Variants in NOTCH2 observed in about 807,000 individuals in gnomAD.
NOTCH2 encodes neurogenic locus notch homolog protein 2.
A neutral mutation model predicts 235.8 loss-of-function variants in NOTCH2; 29 were observed. The ratio of observed to expected loss-of-function variants is 0.12; its 90% CI spans 0.09 to 0.17. The LOEUF (loss-of-function observed/expected upper bound fraction) is 0.17. Among genes scored for constraint, NOTCH2 ranks in the 10% least tolerant of loss-of-function variants. The pLI, the probability that NOTCH2 is intolerant of heterozygous loss-of-function variation, is 1.00. For missense variants in NOTCH2, 2,285 were observed against 3,150.2 expected (o/e 0.73, Z 6.57); for synonymous variants, 1,086 against 1,141.5 (o/e 0.95, Z 0.98).
intron 1 of NOTCH2, among the ~76,000 whole-genome samples, chr1:120,063,936 T>C (rs1553216634): frequency 6.6e-6 from 1 of 152,180 alleles, no homozygotes; most frequent in African/African-American, 2.4e-5. Flanking sequence ...ATGAAACAAG[T>C]AGGGCTAAGA....
chr1:119,968,063 T>C lies in NOTCH2; in HGVS notation c.1264+14A>G, dbSNP rs782062375. The stretch of plus-strand genomic sequence containing the variant: ...CAGACACTTCACAGAACAGAAAAAG[T>C]TCTGCTTACTCACCCATGGCACATT... On this transcript the variant is annotated intron_variant, in intron 7 of 33. Coordinates refer to ENST00000256646, the MANE Select transcript of NOTCH2 (RefSeq NM_024408.4). The C allele has an allele frequency of 6.2e-7, 1 of 1,613,990 alleles. No individual in the cohort carries two copies. The highest frequency in any genetic ancestry group is 8.5e-7 in the Non-Finnish European group (1 of 1,179,890).
Position 119,927,525 on chromosome 1 carries a change from A to AT in NOTCH2, c.3893-915dup, listed in dbSNP as rs60090468. On this transcript the variant is annotated intron_variant, in intron 23 of 33. Transcript: ENST00000256646. ...TAACTGTGCTCAATGTATTCAAGGG[A>AT]TTTTTTTTTTTTCATTCACAAATGT... 7.4e-4 allele frequency among the ~76,000 whole-genome samples: 110 copies of AT among 148,112 alleles called. 1 individual carries two copies. Among genetic ancestry groups the AT allele is most frequent in the Admixed American group, 2.2e-3 (32 of 14,856 alleles).
At chr1:120,028,895 T>G (rs1653978579) in intron 2 of NOTCH2, among the ~76,000 whole-genome samples, 1 of 151,750 alleles carries the variant, frequency 6.6e-6, no homozygotes, top group Non-Finnish European at 1.5e-5. Flanking sequence ...AATTTTCAAT[T>G]GAGGCAGAAG....
At chr1:119,964,063 G>C (rs1208099280) in intron 10 of NOTCH2, among the ~76,000 whole-genome samples, 3 of 152,186 alleles carry the variant, frequency 2.0e-5, no homozygotes, top group African/African-American at 7.2e-5. Context: ...TCATTGCAGA[G>C]ATGCTTTAAC....
intron 5 of NOTCH2, among the ~76,000 whole-genome samples, chr1:119,978,675 A>T (rs1553201273): frequency 6.6e-6 from 1 of 152,164 alleles, no homozygotes; most frequent in East Asian, 1.9e-4. Context: ...CACAGAGAAG[A>T]AAGTGGTGCC....
At chr1:119,976,608 A>G (rs1553200975) in intron 5 of NOTCH2, among the ~76,000 whole-genome samples, 1 of 152,044 alleles carries the variant, frequency 6.6e-6, no homozygotes, top group East Asian at 1.9e-4. Flanking sequence ...TATTTTCTAA[A>G]GAGCCGCCAG....
intron 15 of NOTCH2, chr1:119,950,080 G>A (rs955046029): frequency 2.3e-5 from 5 of 212,876 alleles, no homozygotes; most frequent in South Asian, 7.5e-5. Context: ...TCACACTCAC[G>A]TCTTCTCAGT....
intron 22 of NOTCH2, among the ~76,000 whole-genome samples, chr1:119,932,431 TAC>T (rs1553195261): frequency 5.9e-5 from 9 of 151,940 alleles, no homozygotes; most frequent in African/African-American, 2.2e-4. Context: ...CTATTAAAAA[TAC>T]AAAATCAGCC....
rs1195992130 is a variant in NOTCH2, at chr1:120,009,796, T to A, written c.156-4208A>T. On this transcript the variant is annotated intron_variant, in intron 2 of 33. Coordinates refer to ENST00000256646, the MANE Select transcript of NOTCH2 (RefSeq NM_024408.4). Reference sequence around the variant, plus strand: ...AACTCAAAACCCAGTGAAGTCTTAGTCTGGATTGCTGATTTCTCCTTCTTC... The same window carrying A: ...AACTCAAAACCCAGTGAAGTCTTAGACTGGATTGCTGATTTCTCCTTCTTC... Among the ~76,000 whole-genome samples the A allele has an allele frequency of 3.3e-5, 5 of 150,062 alleles. No homozygotes were observed. In the East Asian group the frequency reaches 9.7e-4, roughly 29 times the overall value.
rs781948161 is a variant in NOTCH2, at chr1:119,963,689, C to T, written c.1800G>A (p.Met600Ile). 4 of 1,614,018 alleles carry T rather than the reference C, an allele frequency of 2.5e-6. No homozygotes were observed. The highest frequency in any genetic ancestry group is 1.3e-5 in the African/African-American group (1 of 74,900). Reference protein sequence around the residue: ...SYTCICNPGYMGAICSDQIDE... With the variant: ...SYTCICNPGYIGAICSDQIDE... ...CAATCTGGTCACTGCAGATGGCGCC[C>T]ATGTACCCGGGATTGCAGATGCAGG... The change falls in exon 11 of 34, where the codon ATG becomes ATA. Residue 600 changes from methionine (M) to isoleucine (I), a missense_variant. Physicochemically the swap from Met to Ile is conservative, Grantham distance 10. Transcript: ENST00000256646.
At chr1:119,925,005 G>A (rs989270389) in intron 25 of NOTCH2, among the ~76,000 whole-genome samples, 1 of 152,234 alleles carries the variant, frequency 6.6e-6, no homozygotes, top group Non-Finnish European at 1.5e-5. Context: ...GGCAGGTTAT[G>A]TGAGAGGCTG....
Position 119,922,397 on chromosome 1 carries a change from A to C in NOTCH2, c.5052T>G (p.Val1684=). ...ERTQLLYLLA[V]AVVIILFIIL... ...TAATAAACAGAATGATGACAACAGCAACAGCAAGGAGATAGAGGAGCTGAG... is the reference window on the plus strand; with the variant it reads ...TAATAAACAGAATGATGACAACAGCCACAGCAAGGAGATAGAGGAGCTGAG... Residue 1684 remains valine (V), a synonymous_variant, in exon 28 of 34, where the codon GTT becomes GTG. Transcript: ENST00000256646. The C allele has an allele frequency of 6.2e-7, 1 of 1,614,126 alleles. No homozygotes were observed. The highest frequency in any genetic ancestry group is 8.5e-7 in the Non-Finnish European group (1 of 1,180,016).
chr1:120,048,810 C>G (rs1553214051), intron 1 of NOTCH2, among the ~76,000 whole-genome samples: 1 of 80,410 alleles, frequency 1.2e-5, no homozygotes, highest in South Asian at 5.9e-4. Flanking sequence ...CAAAGTACAT[C>G]TTTTAAATTA....
chr1:119,963,778 T>C lies in NOTCH2; in HGVS notation c.1711A>G (p.Ile571Val), dbSNP rs1164367887. 3 of 1,613,994 alleles carry C rather than the reference T, an allele frequency of 1.9e-6. No homozygotes were observed. The highest frequency in any genetic ancestry group is 2.7e-5 in the African/African-American group (2 of 74,924). ...CAAGGATCGGGGTCACAGTTGTCAA[T>C]GTTCTCCTCACACAACACACCAGTG... The part of the protein sequence containing the change: ...GFTGVLCEEN[I>V]DNCDPDPCHH... Residue 571 changes from isoleucine (I) to valine (V), a missense_variant, in exon 11 of 34, where the codon ATT becomes GTT. Transcript: ENST00000256646.
rs1650973289 is a variant in NOTCH2, at chr1:119,962,461, GA to G, written c.1915+1112del. Among the ~76,000 whole-genome samples, 7 of 152,350 alleles carry G rather than the reference GA, an allele frequency of 4.6e-5. No individual in the cohort carries two copies. The South Asian group carries it at 1.4e-3, about 32-fold the overall frequency. ...TTTTAGTGAGTTATCTAAATGTGGG[GA>G]GGGAAAGGCATTTTCAGCTGTGACG... On this transcript the variant is annotated intron_variant, in intron 11 of 33. Coordinates refer to ENST00000256646, the MANE Select transcript of NOTCH2 (RefSeq NM_024408.4).
intron 4 of NOTCH2, among the ~76,000 whole-genome samples, chr1:119,988,797 T>C (rs142744544): frequency 1.3e-5 from 2 of 152,322 alleles, no homozygotes; most frequent in East Asian, 3.9e-4. Context: ...ATCTCTCTGA[T>C]GAGTAAGACT....
intron 1 of NOTCH2, among the ~76,000 whole-genome samples, chr1:120,062,956 C>G (rs2603827): frequency 9.3e-3 from 1,420 of 152,030 alleles, no homozygotes; most frequent in African/African-American, 0.032. Flanking sequence ...AACGTATGTT[C>G]TGCCATACAG....
intron 1 of NOTCH2, among the ~76,000 whole-genome samples, chr1:120,063,762 C>A (rs587691798): frequency 6.6e-6 from 1 of 152,158 alleles, no homozygotes; most frequent in Non-Finnish European, 1.5e-5. Context: ...ATGTAAGAAT[C>A]ACCTGGCTAT....
Position 120,069,395 on chromosome 1 carries a change from C to G in NOTCH2, c.12G>C (p.Leu4=). Residue 4 remains leucine, a synonymous_variant, in exon 1 of 34, where the codon CTG becomes CTC. Coordinates refer to ENST00000256646, the MANE Select transcript of NOTCH2 (RefSeq NM_024408.4). ...GCAGCGCCCACAGCAGAGCGGGGCG[C>G]AGGGCGGGCATCTTCTCGGTCGCCT... The part of the protein sequence containing the change: MPA[L]RPALLWALLA... The G allele has an allele frequency of 6.5e-7, 1 of 1,548,866 alleles. No homozygotes were observed. The highest frequency in any genetic ancestry group is 1.2e-5 in the South Asian group (1 of 85,386).
Sources: gnomAD v4.1 joint callset for allele counts (sites outside exome capture counted in the v4.1 genomes callset) on GRCh38, gnomAD v4.1.1 for gene constraint, MANE v1.5 for transcripts, NCBI Gene and HGNC (gene_info 2026-07-23, HGNC 2026-07-21) for gene names.